The following FYB2 variants were observed in gnomAD, a reference collection of about 807,000 sequenced individuals.
FYB2 encodes the protein FYN-binding protein 2.
Under a neutral mutation model 94.1 loss-of-function variants are expected in FYB2, and 103 were observed. The observed-to-expected ratio is 1.09, with a 90% CI of 0.93 to 1.29. FYB2 has a LOEUF of 1.29. Among genes scored for constraint, FYB2 ranks in the 50% most tolerant of loss-of-function variants. The pLI is 0.00. For missense variants in FYB2, 896 were observed against 841.5 expected (o/e 1.06, Z -0.80); for synonymous variants, 293 against 287.9 (o/e 1.02, Z -0.18).
intron 5 of FYB2, among the ~76,000 whole-genome samples, chr1:56,762,553 T>C (rs975817992): frequency 4.6e-5 from 7 of 152,234 alleles, no homozygotes; most frequent in African/African-American, 1.7e-4. Context: ...AGAAATATAA[T>C]TGATTTTTTT....
intron 4 of FYB2, among the ~76,000 whole-genome samples, chr1:56,774,361 T>C (rs748583671): frequency 9.2e-5 from 14 of 152,152 alleles, no homozygotes; most frequent in Non-Finnish European, 1.5e-4. Context: ...CTTAGCGTAG[T>C]GCTTGGCATA....
rs556291105 is a variant in FYB2, at chr1:56,749,202, T to G, written c.1387+1842A>C. ...TCCTGCTTGAGAACTTTAGGGTTCC[T>G]GGCTTTGCAAATTTATCTCTCTCAA... On this transcript the variant is annotated intron_variant, in intron 9 of 19. Transcript: ENST00000343433. Among the ~76,000 whole-genome samples, 43 of 152,024 alleles carry G rather than the reference T, an allele frequency of 2.8e-4. No homozygotes were observed. In the South Asian group the frequency reaches 8.5e-3, roughly 30 times the overall value.
intron 1 of FYB2, among the ~76,000 whole-genome samples, chr1:56,800,658 C>G (rs765735807): frequency 1.8e-4 from 28 of 152,024 alleles, no homozygotes; most frequent in Non-Finnish European, 3.8e-4. Flanking sequence ...TAATACTCAC[C>G]ACATGGGGTG....
chr1:56,757,672 C>CTCTT (rs1557616762), intron 6 of FYB2, among the ~76,000 whole-genome samples: 1 of 98,476 alleles, frequency 1.0e-5, no homozygotes. Context: ...TCTTTCTTTC[C>CTCTT]TCTTTCCTTC....
chr1:56,818,485 CACACACACACACACAT>C (rs1646936113), intron 1 of FYB2, among the ~76,000 whole-genome samples: 1 of 151,554 alleles, frequency 6.6e-6, no homozygotes, highest in Non-Finnish European at 1.5e-5. Context: ...CACACACACA[CACACACACACACACAT>C]GCACACGCAC....
chr1:56,739,538 G>C (rs959759535), intron 13 of FYB2, among the ~76,000 whole-genome samples: 1 of 151,908 alleles, frequency 6.6e-6, no homozygotes, highest in East Asian at 1.9e-4. Context: ...AATTACCTTG[G>C]GCAAATTATT....
At chr1:56,789,928 A>G (rs760927473) in intron 2 of FYB2, among the ~76,000 whole-genome samples, 4 of 152,196 alleles carry the variant, frequency 2.6e-5, no homozygotes, top group Non-Finnish European at 5.9e-5. Flanking sequence ...CTCATAGCCT[A>G]GGACTGGCTT....
chr1:56,774,006 G>A (rs1386244502), intron 4 of FYB2, among the ~76,000 whole-genome samples: 11 of 152,110 alleles, frequency 7.2e-5, no homozygotes, highest in Non-Finnish European at 1.6e-4. Flanking sequence ...TCCCTTGAAT[G>A]AAATGATTGG....
chr1:56,727,485 A>G (rs1644607871), intron 15 of FYB2, among the ~76,000 whole-genome samples: 1 of 152,126 alleles, frequency 6.6e-6, no homozygotes, highest in African/African-American at 2.4e-5. Flanking sequence ...TGGTATACAC[A>G]TACAATGGAA....
intron 11 of FYB2, among the ~76,000 whole-genome samples, chr1:56,743,589 T>A (rs1489320758): frequency 1.3e-5 from 2 of 151,980 alleles, no homozygotes; most frequent in Non-Finnish European, 2.9e-5. Flanking sequence ...TAAAAGAAGG[T>A]CAGCATAACT....
chr1:56,768,828 A>C (rs1462848871), intron 4 of FYB2, among the ~76,000 whole-genome samples: 1 of 152,170 alleles, frequency 6.6e-6, no homozygotes, highest in Admixed American at 6.5e-5. Context: ...TTTAAAATAC[A>C]TGTGTTTTTA....
At chr1:56,808,858 G>A (rs947637) in intron 1 of FYB2, among the ~76,000 whole-genome samples, 143,929 of 152,280 alleles carry the variant, frequency 0.95, 68,052 homozygotes, top group East Asian at 1. Flanking sequence ...TGCATGGAGA[G>A]AAAGCCGAAT....
intron 4 of FYB2, among the ~76,000 whole-genome samples, chr1:56,773,097 C>T (rs777029771): frequency 2.0e-5 from 3 of 152,096 alleles, no homozygotes; most frequent in Non-Finnish European, 4.4e-5. Flanking sequence ...AGATGATTTA[C>T]AAAACCAGAA....
At chr1:56,826,106 G>T in the FYB2 span, among the ~76,000 whole-genome samples, 1 of 152,204 alleles carries the variant, frequency 6.6e-6, no homozygotes, top group African/African-American at 2.4e-5. Context: ...TGCATCAAGG[G>T]AATGAGAGTC....
chr1:56,728,751 C>A (rs985755433), intron 15 of FYB2, among the ~76,000 whole-genome samples: 9 of 152,210 alleles, frequency 5.9e-5, no homozygotes, highest in African/African-American at 2.2e-4. Context: ...CCTATATCCA[C>A]TCTCTTTCAA....
In FYB2 at chr1:56,720,164, T is replaced by C; in HGVS notation, c.2131+9A>G. 6.2e-7 allele frequency: 1 copy of C among 1,601,684 alleles called. No individual in the cohort carries two copies. The highest frequency in any genetic ancestry group is 1.1e-5 in the South Asian group (1 of 88,132). ...TGAAATATTATGAAAGATAAGCAAA[T>C]AAACTTACATTTGCCTTTAGAATTA... On this transcript the variant is annotated intron_variant, in intron 18 of 19. Transcript: ENST00000343433.
intron 9 of FYB2, among the ~76,000 whole-genome samples, chr1:56,746,814 A>T (rs995208999): frequency 6.6e-6 from 1 of 152,004 alleles, no homozygotes; most frequent in Admixed American, 6.6e-5. Context: ...ATATATACAT[A>T]AGTACTGAAT....
chr1:56,764,108 A>G (rs993213225), intron 5 of FYB2, among the ~76,000 whole-genome samples: 4 of 145,434 alleles, frequency 2.8e-5, no homozygotes, highest in African/African-American at 5.3e-5. Context: ...CCACTGCCAC[A>G]CCCAGCTAAT....
At chr1:56,740,925 G>T in intron 12 of FYB2, 130 bp from the exon 13 acceptor site, 1 of 524,378 alleles carries the variant, frequency 1.9e-6, no homozygotes, top group Non-Finnish European at 3.2e-6. Context: ...AGGTATACAT[G>T]GTCATAAAGA....
Sources: allele counts gnomAD v4.1 joint callset (sites outside exome capture counted in the v4.1 genomes callset), GRCh38; gene constraint gnomAD v4.1.1; transcripts MANE v1.5; gene names NCBI Gene and HGNC (gene_info 2026-07-23, HGNC 2026-07-21).